GALNTL6: variants seen among roughly 807,000 people sequenced by gnomAD.
GALNTL6 encodes polypeptide N-acetylgalactosaminyltransferase like 6.
Under a neutral mutation model 73.7 loss-of-function variants are expected in GALNTL6, and 46 were observed. That is an observed-to-expected ratio of 0.62 (90% confidence interval 0.49 to 0.80). The LOEUF is 0.80. Among genes scored for constraint, GALNTL6 ranks in the 30% least tolerant of loss-of-function variants. GALNTL6 has a pLI of 0.00. For missense variants in GALNTL6, 604 were observed against 755.0 expected, an observed-to-expected ratio of 0.80 and a Z score of 2.34; for synonymous variants, 259 against 263.7, an observed-to-expected ratio of 0.98 and a Z score of 0.17.
At chr4:172,936,529 G>A (rs759444816) in intron 9 of GALNTL6, among the ~76,000 whole-genome samples, 2 of 152,236 alleles carry the variant, frequency 1.3e-5, no homozygotes, top group Admixed American at 6.5e-5. Flanking sequence ...AAACCCCACC[G>A]TCTCAGCCCA....
At chr4:172,624,021 A>AT (rs773811399) in intron 5 of GALNTL6, among the ~76,000 whole-genome samples, 5 of 152,130 alleles carry the variant, frequency 3.3e-5, no homozygotes, top group Non-Finnish European at 5.9e-5. Context: ...TGTTTCCAAA[A>AT]TTTCTAAATT....
intron 5 of GALNTL6, among the ~76,000 whole-genome samples, chr4:172,787,957 T>A (rs1739753854): frequency 6.6e-6 from 1 of 152,226 alleles, no homozygotes; most frequent in Admixed American, 6.5e-5. Flanking sequence ...GAAAGTATAA[T>A]ATTTTGTTAT....
At chr4:172,211,173 C>T (rs934599936) in intron 2 of GALNTL6, among the ~76,000 whole-genome samples, 1 of 152,172 alleles carries the variant, frequency 6.6e-6, no homozygotes, top group Non-Finnish European at 1.5e-5. Context: ...TCATCTTGCA[C>T]ATTTCCAGTT....
intron 2 of GALNTL6, among the ~76,000 whole-genome samples, chr4:171,968,848 G>C (rs866970572): frequency 4.7e-5 from 7 of 150,470 alleles, no homozygotes; most frequent in Middle Eastern, 3.4e-3. Context: ...GGGTGGGGGG[G>C]GGGTTGGGGA....
chr4:172,379,650 G>GA (rs1743198036), intron 5 of GALNTL6, among the ~76,000 whole-genome samples: 1 of 145,832 alleles, frequency 6.9e-6, no homozygotes, highest in African/African-American at 2.6e-5. Flanking sequence ...CCTCCCCCCT[G>GA]AAAAAAATAA....
At chr4:171,957,752 C>T (rs1013926942) in intron 2 of GALNTL6, among the ~76,000 whole-genome samples, 1 of 152,162 alleles carries the variant, frequency 6.6e-6, no homozygotes, top group African/African-American at 2.4e-5. Flanking sequence ...AGGTAAAGAG[C>T]AGGTGTACAA....
intron 5 of GALNTL6, among the ~76,000 whole-genome samples, chr4:172,376,393 C>T (rs1376437396): frequency 6.6e-6 from 1 of 152,108 alleles, no homozygotes; most frequent in Non-Finnish European, 1.5e-5. Context: ...CATGGTCAAC[C>T]AACTTGTTGT....
At chr4:172,297,670 G>A (rs554329054) in intron 3 of GALNTL6, among the ~76,000 whole-genome samples, 1 of 152,216 alleles carries the variant, frequency 6.6e-6, no homozygotes, top group African/African-American at 2.4e-5. Flanking sequence ...GTAGATATGT[G>A]GCATTATTTC....
intron 2 of GALNTL6, among the ~76,000 whole-genome samples, chr4:171,904,510 G>A (rs1449109888): frequency 1.3e-5 from 2 of 152,162 alleles, no homozygotes; most frequent in African/African-American, 4.8e-5. Context: ...GACCAAATCT[G>A]CGTCTGATTG....
At chr4:172,289,068 G>A (rs1331751472) in intron 3 of GALNTL6, among the ~76,000 whole-genome samples, 1 of 151,656 alleles carries the variant, frequency 6.6e-6, no homozygotes, top group Non-Finnish European at 1.5e-5. Context: ...CTTATTTGTG[G>A]AAAAATATTG....
chr4:172,177,048 A>G (rs769244629), intron 2 of GALNTL6, among the ~76,000 whole-genome samples: 18 of 152,114 alleles, frequency 1.2e-4, no homozygotes, highest in African/African-American at 3.4e-4. Flanking sequence ...CAGACACCCC[A>G]GGTTAGAATT....
intron 5 of GALNTL6, among the ~76,000 whole-genome samples, chr4:172,360,054 G>A (rs1742309254): frequency 6.6e-6 from 1 of 152,172 alleles, no homozygotes; most frequent in Admixed American, 6.5e-5. Flanking sequence ...TGACTGCCCT[G>A]CTGACTTACT....
intron 10 of GALNTL6, among the ~76,000 whole-genome samples, chr4:172,970,723 C>A (rs531401214): frequency 6.6e-6 from 1 of 152,052 alleles, no homozygotes; most frequent in Admixed American, 6.5e-5. Flanking sequence ...CCTGAGGTGA[C>A]GTACATTCTC....
intron 2 of GALNTL6, among the ~76,000 whole-genome samples, chr4:171,920,624 A>G (rs769024162): frequency 2.5e-4 from 38 of 152,174 alleles, no homozygotes; most frequent in Non-Finnish European, 5.0e-4. Flanking sequence ...AGTATTTTAC[A>G]ATGTAGTACA....
Position 172,970,634 on chromosome 4 carries a change from ATTCTG to A in GALNTL6, c.1371+18381_1371+18385del, listed in dbSNP as rs371438582. The stretch of plus-strand genomic sequence containing the variant: ...CCCTTGTTCCCTGAAAATTGCTGTT[ATTCTG>A]TTCTTTTTCAAGGTGCACTGATTTC... On this transcript the variant is annotated intron_variant, in intron 10 of 12. Transcript: ENST00000506823. 8.2e-4 allele frequency among the ~76,000 whole-genome samples: 125 copies of A among 152,286 alleles called. 1 individual carries two copies. Among genetic ancestry groups the A allele is most frequent in the East Asian group, 7.9e-3 (41 of 5,182 alleles).
chr4:171,854,509 T>A (rs1735628246), intron 2 of GALNTL6, among the ~76,000 whole-genome samples: 1 of 152,180 alleles, frequency 6.6e-6, no homozygotes. Flanking sequence ...TGTACACAGG[T>A]GTTAGATAGA....
At chr4:172,916,487 T>A (rs1353739954) in intron 8 of GALNTL6, among the ~76,000 whole-genome samples, 1 of 152,184 alleles carries the variant, frequency 6.6e-6, no homozygotes, top group African/African-American at 2.4e-5. Context: ...TGATTGTATA[T>A]TTAGAAAACC....
chr4:172,986,611 A>G (rs1322542206), intron 10 of GALNTL6, among the ~76,000 whole-genome samples: 3 of 152,222 alleles, frequency 2.0e-5, no homozygotes, highest in African/African-American at 4.8e-5. Flanking sequence ...AGACCTGAGA[A>G]TAGATCAGTT....
chr4:171,939,219 T>C (rs1249188989), intron 2 of GALNTL6, among the ~76,000 whole-genome samples: 3 of 152,100 alleles, frequency 2.0e-5, no homozygotes, highest in Non-Finnish European at 4.4e-5. Flanking sequence ...TAAATGGTAA[T>C]TTGGTGTTAC....
Sources: gnomAD v4.1 joint callset for allele counts (sites outside exome capture counted in the v4.1 genomes callset) on GRCh38, gnomAD v4.1.1 for gene constraint, MANE v1.5 for transcripts, NCBI Gene and HGNC (gene_info 2026-07-23, HGNC 2026-07-21) for gene names.